Variants in MACROD1 observed in about 807,000 individuals in gnomAD.
The protein encoded by MACROD1 is ADP-ribose glycohydrolase MACROD1.
Under a neutral mutation model 41.4 loss-of-function variants are expected in MACROD1, and 31 were observed. The ratio of observed to expected loss-of-function variants is 0.75; its 90% CI spans 0.56 to 1.01. The LOEUF (loss-of-function observed/expected upper bound fraction) is 1.01, where lower values mean the gene tolerates loss of function less well. MACROD1 is among the 50% of genes least tolerant of loss of function. MACROD1 has a pLI of 0.00. For missense variants in MACROD1, 473 were observed against 460.0 expected (o/e 1.03, Z -0.26); for synonymous variants, 252 against 203.4 (o/e 1.24, Z -2.03).
chr11:64,057,770 C>T (rs996261192), intron 3 of MACROD1, among the ~76,000 whole-genome samples: 1 of 152,234 alleles, frequency 6.6e-6, no homozygotes, highest in Non-Finnish European at 1.5e-5. Flanking sequence ...GGGACAGCCA[C>T]TTGTTGAGCG....
intron 3 of MACROD1, among the ~76,000 whole-genome samples, chr11:64,045,388 G>A (rs1016675522): frequency 6.6e-6 from 1 of 152,242 alleles, no homozygotes; most frequent in African/African-American, 2.4e-5. Context: ...ACCTGGGCAT[G>A]TTGATAATTT....
At chr11:64,062,860 G>A (rs781202894) in intron 3 of MACROD1, among the ~76,000 whole-genome samples, 11 of 152,124 alleles carry the variant, frequency 7.2e-5, no homozygotes, top group Non-Finnish European at 1.6e-4. Flanking sequence ...CCTCCACCCC[G>A]GCCCCGCCTC....
At chr11:64,144,262 ACTGCTTCCCTCCC>A (rs1308249150) in intron 3 of MACROD1, among the ~76,000 whole-genome samples, 2 of 151,478 alleles carry the variant, frequency 1.3e-5, no homozygotes, top group Non-Finnish European at 1.5e-5. Context: ...AGCCTTCCCC[ACTGCTTCCCTCCC>A]CTGTAGGCCA....
Position 64,045,659 on chromosome 11 carries a change from G to A in MACROD1, c.518-30378C>T, listed in dbSNP as rs138041484. On this transcript the variant is annotated intron_variant, in intron 3 of 10. Transcript: ENST00000255681. ...TACAGATTGGAGAGACTGCTCCTGG[G>A]GTCTCAAAGGCAGGCGCACATCCCT... Among the ~76,000 whole-genome samples the A allele has an allele frequency of 8.4e-3, 1,274 of 152,256 alleles. 12 individuals are homozygous for A. Among genetic ancestry groups the A allele is most frequent in the Non-Finnish European group, 0.014 (931 of 68,006 alleles).
chr11:64,001,733 G>A, intron 4 of MACROD1: 2 of 702,326 alleles, frequency 2.8e-6, no homozygotes, highest in Non-Finnish European at 5.2e-6. Flanking sequence ...GGCAGCTGTA[G>A]CCCAGGGCGA....
Position 64,127,492 on chromosome 11 carries a change from G to A in MACROD1, c.517+23747C>T, listed in dbSNP as rs1289481528. ...CCCCGAGGGTCAGCTCTGTTCTTGG[G>A]GTGCCCTGGCTCGGAGGCGGTGACC... On this transcript the variant is annotated intron_variant, in intron 3 of 10. Transcript: ENST00000255681. Among the ~76,000 whole-genome samples the A allele has an allele frequency of 2.6e-5, 4 of 152,200 alleles. No homozygotes were observed. In the East Asian group the frequency reaches 7.7e-4, roughly 29 times the overall value.
At chr11:64,117,590 C>T in intron 3 of MACROD1, 10 of 1,612,456 alleles carry the variant, frequency 6.2e-6, no homozygotes, top group Non-Finnish European at 7.6e-6. Context: ...CCCTGGCCAT[C>T]CACGTGAAGG....
intron 3 of MACROD1, among the ~76,000 whole-genome samples, chr11:64,123,536 G>T (rs565981743): frequency 7.1e-6 from 1 of 141,170 alleles, no homozygotes; most frequent in Non-Finnish European, 1.6e-5. Flanking sequence ...CGATGGGTGG[G>T]GTGGGGGGGT....
At position 64,120,717 on chromosome 11, in the gene MACROD1, T is replaced by C. The variant is rs1171332212; in HGVS notation, c.517+30522A>G. ...AAAAGTAGGCCCTCCCAGTGGACCA[T>C]GGCCCCCCAGCCCCGAGATGAGCAG... On this transcript the variant is annotated intron_variant, in intron 3 of 10. Transcript: ENST00000255681. The surrounding 1 kb of genome is among the most constrained non-coding windows in gnomAD (Gnocchi z 4.5). Among the ~76,000 whole-genome samples, 2 of 149,838 alleles carry C rather than the reference T, an allele frequency of 1.3e-5. No homozygotes were observed. The highest frequency in any genetic ancestry group is 3.9e-4 in the East Asian group (2 of 5,088).
intron 3 of MACROD1, among the ~76,000 whole-genome samples, chr11:64,072,296 A>G (rs1318598862): frequency 2.0e-5 from 3 of 152,206 alleles, no homozygotes; most frequent in Non-Finnish European, 4.4e-5. Flanking sequence ...GCCAGGCCCC[A>G]GAACTGTAGC....
chr11:64,091,630 C>G (rs1944492689), intron 3 of MACROD1, among the ~76,000 whole-genome samples: 1 of 152,140 alleles, frequency 6.6e-6, no homozygotes, highest in Non-Finnish European at 1.5e-5. Flanking sequence ...CCACCATCCC[C>G]CCATCCGACA....
rs111240855 is a variant in MACROD1 at position 64,118,406 on chromosome 11, C to T, written c.517+32833G>A. ...CAAGGAAGAGAAATTCCATGGGTGACTTTCCTCCGCAGAAAGCAAAGTTTG... is the reference window on the plus strand; with the variant it reads ...CAAGGAAGAGAAATTCCATGGGTGATTTTCCTCCGCAGAAAGCAAAGTTTG... On this transcript the variant is annotated intron_variant, in intron 3 of 10. Coordinates refer to ENST00000255681, the MANE Select transcript of MACROD1 (RefSeq NM_014067.4). 1.0e-5 allele frequency: 13 copies of T among 1,299,482 alleles called. No individual in the cohort carries two copies. The East Asian group carries it at 3.1e-4, about 31-fold the overall frequency. The allele number at this position is 1,299,482 out of a possible 1,614,324, so 80.5% of individuals were successfully genotyped here.
intron 3 of MACROD1, among the ~76,000 whole-genome samples, chr11:64,045,674 C>A (rs745704872): frequency 2.6e-5 from 4 of 152,162 alleles, no homozygotes; most frequent in African/African-American, 4.8e-5. Context: ...CAAAGGCAGG[C>A]GCACATCCCT....
intron 4 of MACROD1, among the ~76,000 whole-genome samples, chr11:64,007,497 C>CT (rs1220937102): frequency 2.0e-5 from 3 of 152,284 alleles, no homozygotes. Context: ...GGGCAGAGCC[C>CT]TGTGGCAGGA....
intron 3 of MACROD1, among the ~76,000 whole-genome samples, chr11:64,128,635 C>T (rs1445862436): frequency 1.3e-5 from 2 of 151,620 alleles, no homozygotes; most frequent in African/African-American, 2.4e-5. Context: ...TTGCCCCCCT[C>T]AGACTCCAGC....
chr11:64,030,309 C>T (rs750656376), intron 3 of MACROD1, among the ~76,000 whole-genome samples: 19 of 152,160 alleles, frequency 1.2e-4, no homozygotes, highest in Non-Finnish European at 2.5e-4. Context: ...GGGACAGCTC[C>T]GTCATTGTTG....
intron 1 of MACROD1, among the ~76,000 whole-genome samples, chr11:64,161,295 T>C (rs1945751758): frequency 6.6e-6 from 1 of 152,282 alleles, no homozygotes; most frequent in African/African-American, 2.4e-5. Context: ...AAGGACGAAC[T>C]GGCCGGATAT....
At chr11:64,134,475 G>A (rs917090043) in intron 3 of MACROD1, among the ~76,000 whole-genome samples, 5 of 152,220 alleles carry the variant, frequency 3.3e-5, no homozygotes, top group Admixed American at 3.3e-4. Context: ...AGGGAGGAGG[G>A]AAAGCAAAGG....
chr11:64,016,592 G>A (rs77335965), intron 3 of MACROD1, among the ~76,000 whole-genome samples: 1,997 of 152,364 alleles, frequency 0.013, 21 homozygotes, highest in South Asian at 0.035. Context: ...GGTGTCGGGC[G>A]GCTCCGAGTG....
Sources: allele counts gnomAD v4.1 joint callset (sites outside exome capture counted in the v4.1 genomes callset), GRCh38; gene constraint gnomAD v4.1.1; non-coding constraint Gnocchi (gnomAD v3.1); transcripts MANE v1.5; gene names NCBI Gene and HGNC (gene_info 2026-07-23, HGNC 2026-07-21).